NRXN1: variants seen among roughly 807,000 people sequenced by gnomAD.
NRXN1 encodes the protein neurexin 1, also known as neurexin-1.
In NRXN1, 39 loss-of-function variants were observed where a neutral mutation model predicts 150.9. That is an observed-to-expected ratio of 0.26 (90% CI 0.20 to 0.34). The LOEUF is 0.34. Among genes scored for constraint, NRXN1 ranks in the 10% least tolerant of loss-of-function variants. The pLI is 1.00. For missense variants in NRXN1, 1,815 were observed against 1,949.9 expected (o/e 0.93, Z 1.30); for synonymous variants, 924 against 757.0 (o/e 1.22, Z -3.62).
At chr2:50,288,620 C>G (rs939168140) in intron 17 of NRXN1, among the ~76,000 whole-genome samples, 3 of 152,150 alleles carry the variant, frequency 2.0e-5, no homozygotes, top group African/African-American at 7.2e-5. Flanking sequence ...GGAGCAAAAT[C>G]ACATCTTACA....
intron 21 of NRXN1, among the ~76,000 whole-genome samples, chr2:50,011,690 T>C (rs1319442872): frequency 6.6e-6 from 1 of 152,118 alleles, no homozygotes; most frequent in Non-Finnish European, 1.5e-5. Flanking sequence ...GGTATAGATA[T>C]ATCCTTATTT....
intron 15 of NRXN1, among the ~76,000 whole-genome samples, chr2:50,472,795 T>TTGTGTGTGTGTGTGTGTGTGTGTG (rs113192574): frequency 1.2e-4 from 17 of 138,630 alleles, no homozygotes; most frequent in African/African-American, 4.6e-4. Flanking sequence ...CCCTACAGCC[T>TTGTGTGTGTGTGTGTGTGTGTGTG]TGTGTGTGTG....
In NRXN1 at chr2:50,816,445, C is replaced by G. The variant is rs950121513; in HGVS notation, c.832+105424G>C. On this transcript the variant is annotated intron_variant, in intron 5 of 22. Coordinates refer to ENST00000401669, the MANE Select transcript of NRXN1 (RefSeq NM_001330078.2). ...CACCCAGAAAACAAATAGCTAACAG[C>G]CATCTTGAAGCTATCTTGTGTGCTT... Among the ~76,000 whole-genome samples, 9 of 151,976 alleles carry G rather than the reference C, an allele frequency of 5.9e-5. No homozygotes were observed. The East Asian group carries it at 1.4e-3, about 23-fold the overall frequency.
chr2:50,136,260 T>A (rs1458393732), intron 18 of NRXN1, among the ~76,000 whole-genome samples: 1 of 152,102 alleles, frequency 6.6e-6, no homozygotes, highest in Non-Finnish European at 1.5e-5. Flanking sequence ...AGAGAAAAAA[T>A]AAAAATTCCT....
Position 50,531,408 on chromosome 2 carries a change from A to G in NRXN1, c.2166T>C (p.Asp722=), listed in dbSNP as rs774274384. The change falls in exon 11 of 23, where the codon GAT becomes GAC. Residue 722 remains aspartate (D), a synonymous_variant. Coordinates refer to ENST00000401669, the MANE Select transcript of NRXN1 (RefSeq NM_001330078.2). ...CEREATVLSY[D]GSMFMKIQLP... is the part of the protein sequence containing the mutation. ...GCTGAATTTTCATAAACATGCTCCC[A>G]TCATAGCTCAAAACCGTTGCCTCTA... 3.1e-6 allele frequency: 5 copies of G among 1,611,718 alleles called. No individual in the cohort carries two copies. The highest frequency in any genetic ancestry group is 3.4e-6 in the Non-Finnish European group (4 of 1,178,880).
chr2:50,389,317 G>A lies in NRXN1; in HGVS notation c.3364+76125C>T, dbSNP rs143677684. On this transcript the variant is annotated intron_variant, in intron 17 of 22. Transcript: ENST00000401669. ...TCAGTCTTCTTTATTCCTAAAATAT[G>A]GAATAAAATATGAACACCATTTAGT... Among the ~76,000 whole-genome samples the A allele has an allele frequency of 3.6e-3, 528 of 148,386 alleles. 3 individuals carry two copies. Among genetic ancestry groups the A allele is most frequent in the African/African-American group, 0.012 (482 of 40,090 alleles).
chr2:49,989,169 C>G (rs1003819681), intron 21 of NRXN1, among the ~76,000 whole-genome samples: 2 of 152,128 alleles, frequency 1.3e-5, no homozygotes, highest in African/African-American at 2.4e-5. Context: ...TGCCACTTGC[C>G]TATAAAAAGC....
chr2:50,430,414 CT>C (rs754183414), intron 17 of NRXN1, among the ~76,000 whole-genome samples: 5 of 152,326 alleles, frequency 3.3e-5, no homozygotes, highest in Non-Finnish European at 5.9e-5. Context: ...TGCTTCTTGT[CT>C]GACCAGTCCC....
intron 5 of NRXN1, among the ~76,000 whole-genome samples, chr2:50,695,024 C>T (rs1030063733): frequency 6.6e-6 from 1 of 152,102 alleles, no homozygotes; most frequent in Non-Finnish European, 1.5e-5. Context: ...GCTGGATTCT[C>T]TGCAGCCATT....
chr2:50,187,900 T>C (rs923667267), intron 18 of NRXN1, among the ~76,000 whole-genome samples: 1 of 152,166 alleles, frequency 6.6e-6, no homozygotes, highest in Admixed American at 6.6e-5. Flanking sequence ...TGCTGGTGTA[T>C]TAGAATGCTT....
intron 5 of NRXN1, among the ~76,000 whole-genome samples, chr2:50,854,509 A>T (rs1461051605): frequency 2.0e-5 from 3 of 152,126 alleles, no homozygotes; most frequent in Non-Finnish European, 4.4e-5. Context: ...CCTACCTTTA[A>T]GCTGCACTGT....
At chr2:50,775,192 A>G (rs1235370387) in intron 5 of NRXN1, among the ~76,000 whole-genome samples, 2 of 152,136 alleles carry the variant, frequency 1.3e-5, no homozygotes, top group Non-Finnish European at 2.9e-5. Flanking sequence ...CCAGGCCTTC[A>G]AATAATACTG....
intron 17 of NRXN1, among the ~76,000 whole-genome samples, chr2:50,457,137 C>G (rs957500531): frequency 6.6e-6 from 1 of 152,036 alleles, no homozygotes; most frequent in African/African-American, 2.4e-5. Context: ...TTTTTAATAA[C>G]AGAGCTGGAA....
At chr2:50,213,116 G>T (rs933160552) in intron 18 of NRXN1, among the ~76,000 whole-genome samples, 4 of 151,896 alleles carry the variant, frequency 2.6e-5, no homozygotes, top group Non-Finnish European at 5.9e-5. Flanking sequence ...GGAGGGTGCT[G>T]CACATTCTGG....
chr2:50,684,935 G>A (rs1690991191), intron 5 of NRXN1, among the ~76,000 whole-genome samples: 1 of 152,110 alleles, frequency 6.6e-6, no homozygotes, highest in African/African-American at 2.4e-5. Flanking sequence ...AAAGTGAACA[G>A]AACATGAACC....
chr2:50,925,748 A>C (rs1038921453), intron 3 of NRXN1, among the ~76,000 whole-genome samples, 190 bp downstream of exon 3: 2 of 151,896 alleles, frequency 1.3e-5, no homozygotes, highest in African/African-American at 4.8e-5. Context: ...TAAGCTTGAA[A>C]AAGTTTCATA....
chr2:50,161,166 T>C (rs2059341705), intron 18 of NRXN1, among the ~76,000 whole-genome samples: 1 of 152,148 alleles, frequency 6.6e-6, no homozygotes, highest in African/African-American at 2.4e-5. Context: ...ACAGCTAATA[T>C]CACCACCACC....
At chr2:50,800,806 T>A (rs578221494) in intron 5 of NRXN1, among the ~76,000 whole-genome samples, 5 of 152,288 alleles carry the variant, frequency 3.3e-5, no homozygotes, top group Admixed American at 6.5e-5. Context: ...CGCCCCAGCC[T>A]CACAAAGTGC....
chr2:50,655,330 G>A (rs1518552), intron 5 of NRXN1, among the ~76,000 whole-genome samples: 126,388 of 151,916 alleles, frequency 0.83, 52,836 homozygotes, highest in African/African-American at 0.89. Flanking sequence ...ATTTTTGCCT[G>A]CCCTTCAAAA....
Sources: gnomAD v4.1 joint callset for allele counts (sites outside exome capture counted in the v4.1 genomes callset) on GRCh38, gnomAD v4.1.1 for gene constraint, MANE v1.5 for transcripts, NCBI Gene and HGNC (gene_info 2026-07-23, HGNC 2026-07-21) for gene names.